Variants in ECHS1 observed in about 807,000 individuals in gnomAD.
The protein encoded by ECHS1 is enoyl-CoA hydratase, short chain 1, also known as enoyl-CoA hydratase, mitochondrial.
Under a neutral mutation model 33.5 loss-of-function variants are expected in ECHS1, and 19 were observed. The ratio of observed to expected loss-of-function variants is 0.57; its 90% confidence interval spans 0.40 to 0.83. The LOEUF is 0.83. Ranked by LOEUF, ECHS1 falls within the 40% of genes least tolerant of loss-of-function variation. ECHS1 has a pLI of 0.00. For missense variants in ECHS1, 365 were observed against 381.3 expected (o/e 0.96, Z 0.36); for synonymous variants, 158 against 146.6 (o/e 1.08, Z -0.56).
intron 7 of ECHS1, among the ~76,000 whole-genome samples, chr10:133,364,134 C>T (rs532902656): frequency 6.6e-6 from 1 of 152,072 alleles, no homozygotes; most frequent in East Asian, 1.9e-4. Flanking sequence ...TTAGTAGAGA[C>T]GGGTTTCGTC....
chr10:133,362,704 G>T lies in ECHS1; in HGVS notation c.*164C>A. The T allele has an allele frequency of 1.4e-6, 1 of 727,034 alleles. No homozygotes were observed. Among genetic ancestry groups the T allele is most frequent in the Non-Finnish European group, 2.4e-6 (1 of 422,286 alleles). The allele number at this position is 727,034 out of a possible 1,614,324, so 45.0% of individuals were successfully genotyped here. On this transcript the variant is annotated 3_prime_UTR_variant, in exon 8 of 8. Transcript: ENST00000368547. ...GGACCCTCACAGGCTGGGTGACGAA[G>T]GCTGTCATGCCGTGAGAGGTCGGGC...
Position 133,373,330 on chromosome 10 carries a change from C to A in ECHS1, c.4G>T (p.Ala2Ser), listed in dbSNP as rs1477933458. The A allele has an allele frequency of 5.2e-5, 78 of 1,502,510 alleles. No individual in the cohort carries two copies. The highest frequency in any genetic ancestry group is 6.7e-5 in the Non-Finnish European group (76 of 1,131,952). The allele number at this position is 1,502,510 out of a possible 1,614,324, so 93.1% of individuals were successfully genotyped here. The change falls in exon 1 of 8, where the codon GCC becomes TCC. Residue 2 changes from alanine (A) to serine (S), a missense_variant. Ala to Ser is a moderately conservative substitution (Grantham distance 99). Coordinates refer to ENST00000368547, the MANE Select transcript of ECHS1 (RefSeq NM_004092.4). ...CAGGACAGCAGGACACGCAGGGCGG[C>A]CATGGCTCTCTGGACTCCTCGCCCG... M[A>S]ALRVLLSCVR...
intron 1 of ECHS1, among the ~76,000 whole-genome samples, chr10:133,372,068 A>AAGG (rs1162520715): frequency 1.3e-5 from 2 of 152,172 alleles, no homozygotes; most frequent in Non-Finnish European, 2.9e-5. Flanking sequence ...CTGGGATTAT[A>AAGG]GGCATTAGCC....
At chr10:133,372,782 T>TG (rs1480381463) in intron 1 of ECHS1, among the ~76,000 whole-genome samples, 1 of 22,356 alleles carries the variant, frequency 4.5e-5, no homozygotes, top group Non-Finnish European at 8.8e-5. Context: ...GCGGGTCAGG[T>TG]GGGGGGTGCA....
intron 7 of ECHS1, 42 bp from the exon 8 acceptor site, chr10:133,362,975 T>A: frequency 1.9e-6 from 3 of 1,606,582 alleles, no homozygotes; most frequent in Non-Finnish European, 2.6e-6. Context: ...ACGCGCAGTA[T>A]CCTCACAGAG....
At chr10:133,365,773 G>A (rs1304469553) in intron 6 of ECHS1, among the ~76,000 whole-genome samples, 1 of 152,210 alleles carries the variant, frequency 6.6e-6, no homozygotes, top group Non-Finnish European at 1.5e-5. Flanking sequence ...CTGGTACAAA[G>A]GGGAGCTGGG....
At chr10:133,365,207 G>A (rs549788318) in intron 6 of ECHS1, among the ~76,000 whole-genome samples, 2 of 152,350 alleles carry the variant, frequency 1.3e-5, no homozygotes, top group Admixed American at 1.3e-4. Context: ...GGCAGGCGCT[G>A]TGGCTCCAGG....
chr10:133,366,157 G>C (rs1849024881), intron 5 of ECHS1, 62 bp from the exon 6 acceptor site: 1 of 1,573,700 alleles, frequency 6.4e-7, no homozygotes, highest in Non-Finnish European at 8.6e-7. Context: ...CCCTTCTCGA[G>C]TGAGTGGCCG....
In ECHS1 at chr10:133,363,384, C is replaced by CAT. The variant is rs1396245590; in HGVS notation, c.808-452_808-451insAT. ...ACACACACACACACACACACACACA[C>CAT]GCATCTGTACCCCTTCCTCAGGTGC... is the stretch of plus-strand genomic sequence containing the variant. On this transcript the variant is annotated intron_variant, in intron 7 of 7. Coordinates refer to ENST00000368547, the MANE Select transcript of ECHS1 (RefSeq NM_004092.4). Among the ~76,000 whole-genome samples, 19 of 151,788 alleles carry CAT rather than the reference C, an allele frequency of 1.3e-4. No individual in the cohort carries two copies. The South Asian group carries it at 2.1e-3, about 17-fold the overall frequency.
intron 1 of ECHS1, 88 bp from the exon 2 acceptor site, chr10:133,370,845 T>C: frequency 7.1e-7 from 1 of 1,400,928 alleles, no homozygotes; most frequent in Non-Finnish European, 9.7e-7. Flanking sequence ...CATCGGTGGA[T>C]ACAGTGTGAC....
intron 4 of ECHS1, 143 bp downstream of exon 4, chr10:133,368,780 G>C (rs1220265405): frequency 2.8e-6 from 2 of 703,186 alleles, no homozygotes; most frequent in Non-Finnish European, 4.7e-6. Flanking sequence ...AGCCTCCGTG[G>C]CTGTCCACAG....
At chr10:133,372,297 C>G (rs1232734096) in intron 1 of ECHS1, among the ~76,000 whole-genome samples, 8 of 152,178 alleles carry the variant, frequency 5.3e-5, no homozygotes, top group Admixed American at 5.2e-4. Flanking sequence ...TCTTCCCCAG[C>G]CCAAGGCATG....
chr10:133,370,615 C>T lies in ECHS1; in HGVS notation c.231G>A (p.Glu77=). 2 of 1,611,980 alleles carry T rather than the reference C, an allele frequency of 1.2e-6. No individual in the cohort carries two copies. Among genetic ancestry groups the T allele is most frequent in the Non-Finnish European group, 1.7e-6 (2 of 1,179,492 alleles). Residue 77 remains glutamate (E), a synonymous_variant, in exon 2 of 8, where the codon GAG becomes GAA. Transcript: ENST00000368547. The part of the protein sequence containing the change: ...DELNQALKTF[E]EDPAVGAIVL... ...CAATGGCCCCCACGGCCGGGTCCTC[C>T]TCGAAGGTCTTCAGGGCCTGGTTGA... is the stretch of plus-strand genomic sequence containing the variant.
chr10:133,366,236 G>A (rs753774744), intron 5 of ECHS1, 141 bp from the exon 6 acceptor site: 2 of 883,442 alleles, frequency 2.3e-6, no homozygotes, highest in Non-Finnish European at 3.4e-6. Context: ...CACACGGGAA[G>A]TGCCGCACGT....
chr10:133,369,871 C>T (rs751276716), intron 3 of ECHS1, 33 bp downstream of exon 3: 10 of 1,610,304 alleles, frequency 6.2e-6, no homozygotes, highest in Middle Eastern at 1.9e-4. Flanking sequence ...CCTTCAACCA[C>T]GAGAGGAGGA....
chr10:133,364,786 G>A (rs201825807), intron 6 of ECHS1, 61 bp from the exon 7 acceptor site: 27 of 1,372,712 alleles, frequency 2.0e-5, no homozygotes, highest in South Asian at 5.8e-5. Context: ...TTTCCTGCAC[G>A]GTGACAGGAA....
Position 133,368,927 on chromosome 10 carries a change from G to T in ECHS1, c.510C>A (p.Ile170=), listed in dbSNP as rs769650533. 1.2e-6 allele frequency: 2 copies of T among 1,613,374 alleles called. No individual in the cohort carries two copies. Among genetic ancestry groups the T allele is most frequent in the East Asian group, 2.2e-5 (1 of 44,862 alleles). Residue 170 remains isoleucine, a synonymous_variant, in exon 4 of 8, where the codon ATC becomes ATA. Coordinates refer to ENST00000368547, the MANE Select transcript of ECHS1 (RefSeq NM_004092.4). ...AGAGACAGTGTCACTCTTTACCTGG[G>T]ATGGTTCCTATTAAGATCTCCGGCT... ...FAQPEILIGT[I]PGAGGTQRLT... is the part of the protein sequence containing the mutation.
intron 4 of ECHS1, among the ~76,000 whole-genome samples, chr10:133,367,950 C>T (rs935112041): frequency 6.6e-6 from 1 of 152,192 alleles, no homozygotes; most frequent in Non-Finnish European, 1.5e-5. Flanking sequence ...ACCGTCCTCA[C>T]CCTGCCCCCT....
chr10:133,366,781 G>C (rs1849039899), intron 5 of ECHS1, 108 bp downstream of exon 5: 5 of 798,286 alleles, frequency 6.3e-6, no homozygotes, highest in Non-Finnish European at 1.0e-5. Context: ...GCTGCCCCGG[G>C]TTTCTGTGGG....
Sources: allele counts gnomAD v4.1 joint callset (sites outside exome capture counted in the v4.1 genomes callset), GRCh38; gene constraint gnomAD v4.1.1; transcripts MANE v1.5; gene names NCBI Gene and HGNC (gene_info 2026-07-23, HGNC 2026-07-21).